The following PTPRC variants were observed in gnomAD, a reference collection of about 807,000 sequenced individuals.
PTPRC encodes the protein receptor-type tyrosine-protein phosphatase C.
A neutral mutation model predicts 155.9 loss-of-function variants in PTPRC; 44 were observed. The observed-to-expected ratio is 0.28, with a 90% CI of 0.22 to 0.36. The LOEUF (loss-of-function observed/expected upper bound fraction) is 0.36. Ranked by LOEUF, PTPRC falls within the 10% of genes least tolerant of loss-of-function variation. The pLI, the probability that PTPRC is intolerant of heterozygous loss-of-function variation, is 1.00. For missense variants in PTPRC, 1,401 were observed against 1,564.6 expected (o/e 0.90, Z 1.76); for synonymous variants, 525 against 533.1 (o/e 0.98, Z 0.21).
In PTPRC at chr1:198,716,778, T is replaced by A; in HGVS notation, c.1388T>A (p.Ile463Asn). ...TKYVLSLHAY[I>N]IAKVQRNGSA... ...TATGTTTTATCATTACATGCCTACA[T>A]CATTGCAAAAGTGCAACGTAATGGA... is the stretch of plus-strand genomic sequence containing the variant. Residue 463 changes from isoleucine to asparagine, a missense_variant, in exon 13 of 33, where the codon ATC (isoleucine) becomes AAC (asparagine). Physicochemically the swap from Ile to Asn is moderately radical, Grantham distance 149 (BLOSUM62 -3). Transcript: ENST00000442510. The A allele has an allele frequency of 6.2e-7, 1 of 1,613,542 alleles. No individual in the cohort carries two copies.
At chr1:198,639,204 TA>T (rs1662430807) in intron 1 of PTPRC, 21 bp from the exon 2 acceptor site, 1 of 1,319,062 alleles carries the variant, frequency 7.6e-7, no homozygotes, top group Non-Finnish European at 1.1e-6. Context: ...TCTACAGAGA[TA>T]ACAATTATTT....
intron 2 of PTPRC, among the ~76,000 whole-genome samples, chr1:198,680,810 A>C (rs1665278057): frequency 6.6e-6 from 1 of 152,160 alleles, no homozygotes; most frequent in Non-Finnish European, 1.5e-5. Context: ...ATTCAGGAGA[A>C]TGATGTGAAA....
intron 15 of PTPRC, among the ~76,000 whole-genome samples, chr1:198,723,112 C>CGTAT (rs142542338): frequency 6.9e-6 from 1 of 144,094 alleles, no homozygotes; most frequent in East Asian, 2.0e-4. Flanking sequence ...TAGTTTCCTT[C>CGTAT]ATATATATAT....
chr1:198,684,270 C>T (rs556589140), intron 2 of PTPRC, among the ~76,000 whole-genome samples: 10 of 151,132 alleles, frequency 6.6e-5, no homozygotes, highest in African/African-American at 2.4e-4. Flanking sequence ...TGTTTTAAAC[C>T]AAATATAAAA....
chr1:198,739,413 A>AAGAGAAGG (rs200389795), intron 23 of PTPRC, among the ~76,000 whole-genome samples: 2,487 of 151,868 alleles, frequency 0.016, 61 homozygotes, highest in African/African-American at 0.055. Context: ...GAAACCTAAA[A>AAGAGAAGG]AGAGAAGGAG....
At chr1:198,658,953 T>C (rs536395265) in intron 2 of PTPRC, among the ~76,000 whole-genome samples, 2 of 152,236 alleles carry the variant, frequency 1.3e-5, no homozygotes, top group East Asian at 3.9e-4. Context: ...CCTACAGACA[T>C]GCGCAGGAAG....
intron 2 of PTPRC, among the ~76,000 whole-genome samples, chr1:198,685,840 G>A (rs1665591195): frequency 6.6e-6 from 1 of 152,026 alleles, no homozygotes; most frequent in South Asian, 2.1e-4. Flanking sequence ...CAGATGCTGA[G>A]AATAAGTATT....
intron 2 of PTPRC, among the ~76,000 whole-genome samples, chr1:198,657,237 T>G (rs912783641): frequency 4.6e-5 from 7 of 151,568 alleles, no homozygotes; most frequent in African/African-American, 1.7e-4. Flanking sequence ...AGAAAGTAGG[T>G]TTTTATGTTT....
intron 11 of PTPRC, among the ~76,000 whole-genome samples, chr1:198,710,060 TA>T (rs1437266396): frequency 1.3e-5 from 2 of 152,228 alleles, no homozygotes; most frequent in African/African-American, 4.8e-5. Flanking sequence ...TGTTTTGTTC[TA>T]AAAATTTTAT....
intron 17 of PTPRC, 64 bp from the exon 18 acceptor site, chr1:198,731,553 T>C (rs1281041472): frequency 4.9e-6 from 6 of 1,233,662 alleles, no homozygotes; most frequent in Non-Finnish European, 7.2e-6. Flanking sequence ...GTAAATTTAA[T>C]GAAATGTGTA....
intron 2 of PTPRC, chr1:198,679,781 C>A: frequency 2.1e-6 from 1 of 480,574 alleles, no homozygotes. Flanking sequence ...ATGTTGACCA[C>A]CAGGAAATGA....
Position 198,639,098 on chromosome 1 carries a change from G to C in PTPRC, c.-83G>C, listed in dbSNP as rs1445178354. On this transcript the variant is annotated 5_prime_UTR_variant, in exon 1 of 33. Transcript: ENST00000442510. ...AGTGGTTTGTTCTTAGGGTAACAGA[G>C]GAGGAAATTGTTCCTCGTCTGATAA... is the stretch of plus-strand genomic sequence containing the variant. 2 of 642,150 alleles carry C rather than the reference G, an allele frequency of 3.1e-6. No individual in the cohort carries two copies. Among genetic ancestry groups the C allele is most frequent in the Non-Finnish European group, 5.6e-6 (2 of 355,032 alleles). 39.8% of individuals were successfully genotyped at this position (642,150 alleles called of 1,614,324 possible). A position where few individuals can be genotyped will look rare whatever the true frequency, so the allele number is the denominator to read the frequency against.
At chr1:198,667,089 C>T (rs1347589167) in intron 2 of PTPRC, 2 of 152,206 alleles carry the variant, frequency 1.3e-5, no homozygotes, top group Non-Finnish European at 2.9e-5. Context: ...TGCTATGCGT[C>T]CACACCTTTC....
intron 2 of PTPRC, among the ~76,000 whole-genome samples, chr1:198,681,401 G>A (rs1665319002): frequency 6.6e-6 from 1 of 152,162 alleles, no homozygotes; most frequent in South Asian, 2.1e-4. Flanking sequence ...TATCAAGTGT[G>A]TATTTAAGGA....
intron 11 of PTPRC, among the ~76,000 whole-genome samples, chr1:198,710,817 GA>G (rs1344099829): frequency 2.0e-5 from 3 of 152,170 alleles, no homozygotes; most frequent in African/African-American, 7.2e-5. Context: ...ATAATATTGA[GA>G]AATTTTTGAC....
chr1:198,755,239 A>C (rs1655583234), intron 32 of PTPRC, among the ~76,000 whole-genome samples: 1 of 152,116 alleles, frequency 6.6e-6, no homozygotes, highest in Admixed American at 6.6e-5. Flanking sequence ...TATTCTTGTA[A>C]TCGATCTATC....
At chr1:198,702,658 G>T (rs183239749) in intron 6 of PTPRC, 128 bp downstream of exon 6, 2 of 1,250,400 alleles carry the variant, frequency 1.6e-6, no homozygotes, top group Middle Eastern at 1.9e-4. Context: ...AAATGTTCAC[G>T]TATCAACACC....
intron 8 of PTPRC, among the ~76,000 whole-genome samples, chr1:198,706,285 T>C (rs1046537555): frequency 1.3e-5 from 2 of 152,312 alleles, no homozygotes; most frequent in Non-Finnish European, 2.9e-5. Context: ...GCCCCACATA[T>C]ATCAAGAAAC....
At chr1:198,666,907 G>A (rs749063337) in intron 2 of PTPRC, 4 of 152,094 alleles carry the variant, frequency 2.6e-5, no homozygotes, top group Non-Finnish European at 5.9e-5. Context: ...GATCACTAGT[G>A]GTTCAAATAC....
Sources: gnomAD v4.1 joint callset for allele counts (sites outside exome capture counted in the v4.1 genomes callset) on GRCh38, gnomAD v4.1.1 for gene constraint, MANE v1.5 for transcripts, NCBI Gene and HGNC (gene_info 2026-07-23, HGNC 2026-07-21) for gene names.